The following SOD2 variants were observed in gnomAD, a reference collection of about 807,000 sequenced individuals.
The protein encoded by SOD2 is superoxide dismutase 2.
SOD2 carries 11 observed loss-of-function variants against 27.0 expected under a neutral mutation model. The observed-to-expected ratio is 0.41, with a 90% CI of 0.26 to 0.67. The LOEUF (loss-of-function observed/expected upper bound fraction) is 0.67, where lower values mean the gene tolerates loss of function less well. Ranked by LOEUF, SOD2 falls within the 30% of genes least tolerant of loss-of-function variation. The pLI is 0.34. For missense variants in SOD2, 250 were observed against 274.5 expected (o/e 0.91, Z 0.63); for synonymous variants, 105 against 103.0 (o/e 1.02, Z -0.12).
In SOD2 at chr6:159,671,878, A is replaced by G. The variant is rs959570849; in HGVS notation, c.*10615T>C. 2 of 152,202 alleles carry G rather than the reference A, an allele frequency of 1.3e-5. No individual in the cohort carries two copies. Among genetic ancestry groups the G allele is most frequent in the Non-Finnish European group, 2.9e-5 (2 of 68,032 alleles). The allele number at this position is 152,202 out of a possible 1,614,324, so 9.4% of individuals were successfully genotyped here. ...AGACAAATGGCTAACTAGAATAACC[A>G]GCATAGAGAAGTCCTTAAATGACCT... is the stretch of plus-strand genomic sequence containing the variant. On this transcript the variant is annotated 3_prime_UTR_variant, in exon 5 of 5. Transcript: ENST00000538183.
intron 2 of SOD2, chr6:159,692,416 C>A: frequency 7.1e-7 from 1 of 1,402,756 alleles, no homozygotes. Flanking sequence ...AACAGTAAGG[C>A]AAGCTCCTTC....
Position 159,682,531 on chromosome 6 carries a change from C to T in SOD2, c.631G>A (p.Glu211Lys), listed in dbSNP as rs1395235141. ...GCCATGTATCTTTCAGTTACATTCTCCCAGTTGATTACATTCCAAATAGCT... is the reference window on the plus strand; with the variant it reads ...GCCATGTATCTTTCAGTTACATTCTTCCAGTTGATTACATTCCAAATAGCT... ...LKAIWNVINW[E>K]NVTERYMACK... The change falls in exon 5 of 5, where the codon GAG becomes AAG. Residue 211 changes from glutamate (E) to lysine (K), a missense_variant. Coordinates refer to ENST00000538183, the MANE Select transcript of SOD2 (RefSeq NM_000636.4). The T allele has an allele frequency of 2.5e-6, 4 of 1,613,782 alleles. No individual in the cohort carries two copies. Among genetic ancestry groups the T allele is most frequent in the Non-Finnish European group, 2.5e-6 (3 of 1,179,930 alleles).
Position 159,688,194 on chromosome 6 carries a change from C to A in SOD2, c.275G>T (p.Gly92Val). ...IALQPALKFNGGGHINHSIFW... is the reference protein window; with the variant it reads ...IALQPALKFNVGGHINHSIFW... ...AATGCTATGATTGATATGACCACCA[C>A]CATTGAACTTCAGTGCAGGCTGAAG... Residue 92 changes from glycine (G) to valine (V), a missense_variant, in exon 3 of 5, where the codon GGT becomes GTT. By Grantham distance (109) the Gly-to-Val change is moderately radical. Transcript: ENST00000538183. 1 of 1,613,950 alleles carries A rather than the reference C, an allele frequency of 6.2e-7. No homozygotes were observed. Among genetic ancestry groups the A allele is most frequent in the Non-Finnish European group, 8.5e-7 (1 of 1,179,824 alleles).
chr6:159,753,568 G>T, intron 1 of SOD2: 1 of 1,614,154 alleles, frequency 6.2e-7, no homozygotes, highest in Non-Finnish European at 8.5e-7. Context: ...AAGCAGAGTT[G>T]GCTTTACAGA....
In SOD2 at chr6:159,676,560, A is replaced by T. The variant is rs1006292888; in HGVS notation, c.*5933T>A. 6.6e-6 allele frequency: 1 copy of T among 152,112 alleles called. No homozygotes were observed. The highest frequency in any genetic ancestry group is 6.5e-5 in the Admixed American group (1 of 15,270). The allele number at this position is 152,112 out of a possible 1,614,324, so 9.4% of individuals were successfully genotyped here. A position where few individuals can be genotyped will look rare whatever the true frequency, so the allele number is the denominator to read the frequency against. ...GGAATTGAACAATGAGAACACTTGG[A>T]CACAGGAAGGGGAACATCACACACC... On this transcript the variant is annotated 3_prime_UTR_variant, in exon 5 of 5. Transcript: ENST00000538183.
chr6:159,729,748 A>G (rs1284261670), upstream of SOD2, among the ~76,000 whole-genome samples: 1 of 152,204 alleles, frequency 6.6e-6, no homozygotes, highest in African/African-American at 2.4e-5. Context: ...CCTCATCAGT[A>G]CCTTGCTACT....
intron 1 of SOD2, among the ~76,000 whole-genome samples, chr6:159,757,160 C>A (rs193076835): frequency 3.3e-5 from 5 of 152,220 alleles, no homozygotes; most frequent in Admixed American, 2.0e-4. Context: ...TATTGAATGG[C>A]CTTCAAATGT....
At chr6:159,703,267 T>C (rs947723882) in intron 1 of SOD2, among the ~76,000 whole-genome samples, 1 of 152,204 alleles carries the variant, frequency 6.6e-6, no homozygotes, top group African/African-American at 2.4e-5. Flanking sequence ...TGGGCCAAGA[T>C]TGCGCCATTG....
intron 1 of SOD2, among the ~76,000 whole-genome samples, chr6:159,709,192 G>A (rs1257547903): frequency 6.6e-6 from 1 of 152,158 alleles, no homozygotes; most frequent in African/African-American, 2.4e-5. Context: ...ATACCATTCA[G>A]GACATAGGCA....
chr6:159,761,632 C>T (rs1780128236), exon 1 of SOD2: 2 of 453,152 alleles, frequency 4.4e-6, no homozygotes, highest in Non-Finnish European at 8.9e-6. Context: ...GATTCCAGTC[C>T]TGAGCTGAAC....
At chr6:159,686,841 A>G (rs1329925744) in intron 3 of SOD2, among the ~76,000 whole-genome samples, 2 of 152,150 alleles carry the variant, frequency 1.3e-5, no homozygotes, top group Non-Finnish European at 2.9e-5. Flanking sequence ...GAGCCCAGAA[A>G]CAAGAGACAA....
At chr6:159,753,264 T>A (rs1779885308) in intron 1 of SOD2, 3 of 728,004 alleles carry the variant, frequency 4.1e-6, no homozygotes, top group Non-Finnish European at 6.5e-6. Flanking sequence ...GTTTAGGGTT[T>A]ATTTTTACTG....
chr6:159,683,059 C>T (rs962253532), intron 4 of SOD2, among the ~76,000 whole-genome samples: 2 of 152,070 alleles, frequency 1.3e-5, no homozygotes, highest in South Asian at 2.1e-4. Flanking sequence ...CAGGGGTTTA[C>T]GAGGAACCAG....
intron 1 of SOD2, among the ~76,000 whole-genome samples, chr6:159,733,002 AATGCATG>A (rs1778683127): frequency 6.6e-6 from 1 of 151,944 alleles, no homozygotes; most frequent in African/African-American, 2.4e-5. Context: ...TTTGCAGCCT[AATGCATG>A]TGTCATGCTA....
Position 159,758,410 on chromosome 6 carries a change from C to T in SOD2, c.-336+2627G>A, listed in dbSNP as rs186653192. Among the ~76,000 whole-genome samples the T allele has an allele frequency of 4.0e-4, 61 of 152,292 alleles. 1 individual carries two copies. The East Asian group carries it at 0.01, about 26-fold the overall frequency. ...CAGAGAGCGCAATAGATGTCAGTTT[C>T]CTTGGCTCCTCAGGTGTATTGGATA... On this transcript the variant is annotated intron_variant, in intron 1 of 7. Coordinates refer to the SOD2 transcript ENST00000546087.
At chr6:159,694,696 A>G (rs1025448455), upstream of SOD2, among the ~76,000 whole-genome samples, 5 of 151,868 alleles carry the variant, frequency 3.3e-5, no homozygotes, top group Admixed American at 6.6e-5. Context: ...CCCGGGTTCA[A>G]GCGATTCTCC....
At chr6:159,757,700 C>T (rs1023796986) in intron 1 of SOD2, among the ~76,000 whole-genome samples, 7 of 152,200 alleles carry the variant, frequency 4.6e-5, no homozygotes, top group South Asian at 2.1e-4. Flanking sequence ...TGTGAGCCAC[C>T]GCGCCCAACC....
At chr6:159,721,579 G>T (rs1778041091) in intron 1 of SOD2, among the ~76,000 whole-genome samples, 1 of 151,160 alleles carries the variant, frequency 6.6e-6, no homozygotes, top group African/African-American at 2.4e-5. Context: ...CGTTGGTCAG[G>T]CTGGTCTCGA....
At chr6:159,747,830 C>CT (rs1187448907), upstream of SOD2, among the ~76,000 whole-genome samples, 1 of 152,124 alleles carries the variant, frequency 6.6e-6, no homozygotes, top group East Asian at 1.9e-4. Context: ...TATGTAGCCA[C>CT]TTTAAGTCCC....
Sources: allele counts gnomAD v4.1 joint callset (sites outside exome capture counted in the v4.1 genomes callset), GRCh38; gene constraint gnomAD v4.1.1; transcripts MANE v1.5; gene names NCBI Gene and HGNC (gene_info 2026-07-23, HGNC 2026-07-21).